Variants in CADPS2 observed in about 807,000 individuals in gnomAD.
The protein encoded by CADPS2 is calcium-dependent secretion activator 2.
A neutral mutation model predicts 172.5 loss-of-function variants in CADPS2; 93 were observed. That is an observed-to-expected ratio of 0.54 (90% CI 0.46 to 0.64). The LOEUF (loss-of-function observed/expected upper bound fraction) is 0.64. Among genes scored for constraint, CADPS2 ranks in the 30% least tolerant of loss-of-function variants. The pLI, the probability that CADPS2 is intolerant of heterozygous loss-of-function variation, is 0.00. For missense variants in CADPS2, 1,420 were observed against 1,565.9 expected (o/e 0.91, Z 1.57); for synonymous variants, 546 against 555.2 (o/e 0.98, Z 0.23).
At chr7:122,394,719 G>A (rs2044833080) in intron 20 of CADPS2, among the ~76,000 whole-genome samples, 1 of 152,114 alleles carries the variant, frequency 6.6e-6, no homozygotes, top group Admixed American at 6.6e-5. Context: ...GCAGCCCATG[G>A]CAGGGTCTAG....
chr7:122,850,005 C>T, intron 1 of CADPS2: 3 of 832,480 alleles, frequency 3.6e-6, no homozygotes, highest in South Asian at 2.0e-5. Flanking sequence ...CCTGCCTAGG[C>T]TGGGGAAGGA....
intron 1 of CADPS2, among the ~76,000 whole-genome samples, chr7:122,783,319 G>A (rs1563006284): frequency 6.6e-6 from 1 of 151,954 alleles, no homozygotes; most frequent in Non-Finnish European, 1.5e-5. Context: ...AACTATTGTG[G>A]TTGATTTTAT....
At chr7:122,824,651 G>C (rs1486771699) in intron 1 of CADPS2, among the ~76,000 whole-genome samples, 1 of 152,120 alleles carries the variant, frequency 6.6e-6, no homozygotes, top group Non-Finnish European at 1.5e-5. Flanking sequence ...ATGATAGGCT[G>C]CATGTTTTTT....
chr7:122,878,245 C>A (rs1347971532), intron 1 of CADPS2, among the ~76,000 whole-genome samples: 1 of 103,934 alleles, frequency 9.6e-6, no homozygotes, highest in African/African-American at 4.2e-5. Context: ...GGCGACAGAG[C>A]GAAACTCCGT....
At chr7:122,702,767 T>G (rs1232389735) in intron 2 of CADPS2, 10 of 1,548,688 alleles carry the variant, frequency 6.5e-6, no homozygotes, top group Non-Finnish European at 8.7e-6. Context: ...ATTTGTCTAT[T>G]AAGAGACAAA....
intron 20 of CADPS2, among the ~76,000 whole-genome samples, chr7:122,401,472 C>G (rs1444402780): frequency 6.6e-6 from 1 of 152,158 alleles, no homozygotes; most frequent in Non-Finnish European, 1.5e-5. Context: ...GTGCCATTTG[C>G]AGATGGCTTT....
At chr7:122,760,608 T>A (rs900263903) in intron 1 of CADPS2, among the ~76,000 whole-genome samples, 2 of 152,008 alleles carry the variant, frequency 1.3e-5, no homozygotes, top group Admixed American at 6.6e-5. Context: ...GTGGCACATA[T>A]ACACCATGGA....
At chr7:122,472,779 A>T (rs1331858947) in intron 13 of CADPS2, among the ~76,000 whole-genome samples, 1 of 152,178 alleles carries the variant, frequency 6.6e-6, no homozygotes, top group African/African-American at 2.4e-5. Context: ...GTAAAGTTTG[A>T]GTTGGATCAG....
chr7:122,704,881 C>A (rs1365260267), intron 2 of CADPS2, among the ~76,000 whole-genome samples: 2 of 151,966 alleles, frequency 1.3e-5, no homozygotes, highest in Non-Finnish European at 2.9e-5. Context: ...CGAGTACACA[C>A]CAGCGTTGCC....
At chr7:122,694,529 T>G (rs1322763496) in intron 2 of CADPS2, among the ~76,000 whole-genome samples, 3 of 152,132 alleles carry the variant, frequency 2.0e-5, no homozygotes, top group South Asian at 2.1e-4. Context: ...CTGATAAAGA[T>G]GCTGCCATAA....
At chr7:122,632,958 T>A (rs1027275815) in intron 3 of CADPS2, among the ~76,000 whole-genome samples, 1 of 152,178 alleles carries the variant, frequency 6.6e-6, no homozygotes, top group Non-Finnish European at 1.5e-5. Flanking sequence ...AGGGAGTGCT[T>A]TCCCCATTGT....
In CADPS2 at chr7:122,612,673, T is replaced by C. The variant is rs78594907; in HGVS notation, c.1223+2508A>G. On this transcript the variant is annotated intron_variant, in intron 6 of 29. Transcript: ENST00000449022. ...GGAATCTCAGCTGGTAATCTTTGCA[T>C]AATCTTTACAAAAGTTGATAAACTC... Among the ~76,000 whole-genome samples, 713 of 152,196 alleles carry C rather than the reference T, an allele frequency of 4.7e-3. 2 individuals carry two copies. Among genetic ancestry groups the C allele is most frequent in the Non-Finnish European group, 8.0e-3 (544 of 67,960 alleles).
At chr7:122,851,858 AAG>A (rs1359178741) in intron 1 of CADPS2, among the ~76,000 whole-genome samples, 4 of 152,164 alleles carry the variant, frequency 2.6e-5, no homozygotes, top group Admixed American at 2.0e-4. Context: ...GCTACAACTC[AAG>A]ATGAGATTTG....
intron 5 of CADPS2, among the ~76,000 whole-genome samples, chr7:122,617,124 T>C (rs1043145226): frequency 1.3e-5 from 2 of 152,196 alleles, no homozygotes; most frequent in African/African-American, 4.8e-5. Context: ...ACATTATTTC[T>C]GTCACCTCTA....
chr7:122,784,194 T>C (rs1325631493), intron 1 of CADPS2, among the ~76,000 whole-genome samples: 3 of 152,226 alleles, frequency 2.0e-5, no homozygotes, highest in Non-Finnish European at 4.4e-5. Context: ...TTTTAAAATA[T>C]TGTTTATTTT....
intron 19 of CADPS2, among the ~76,000 whole-genome samples, chr7:122,408,164 A>G (rs2046879477): frequency 6.6e-6 from 1 of 150,882 alleles, no homozygotes; most frequent in Non-Finnish European, 1.5e-5. Context: ...ATCTTCTACT[A>G]TAAGGATATA....
chr7:122,690,477 C>A (rs1319773032), intron 2 of CADPS2, among the ~76,000 whole-genome samples: 1 of 152,196 alleles, frequency 6.6e-6, no homozygotes, highest in East Asian at 1.9e-4. Flanking sequence ...ATACTGCAGA[C>A]CCTTCCCCAC....
intron 8 of CADPS2, among the ~76,000 whole-genome samples, chr7:122,529,402 T>C (rs1278123014): frequency 6.6e-6 from 1 of 152,050 alleles, no homozygotes. Context: ...AGTATACCCA[T>C]CCCTAATTTT....
At chr7:122,628,119 A>G (rs952815876) in intron 4 of CADPS2, among the ~76,000 whole-genome samples, 1 of 152,036 alleles carries the variant, frequency 6.6e-6, no homozygotes, top group Non-Finnish European at 1.5e-5. Flanking sequence ...CTTACAACTT[A>G]CTGTCATTCT....
Sources: gnomAD v4.1 joint callset for allele counts (sites outside exome capture counted in the v4.1 genomes callset) on GRCh38, gnomAD v4.1.1 for gene constraint, MANE v1.5 for transcripts, NCBI Gene and HGNC (gene_info 2026-07-23, HGNC 2026-07-21) for gene names.